CYP3A7: variants seen among roughly 807,000 people sequenced by gnomAD.
CYP3A7 encodes the protein cytochrome P450 family 3 subfamily A member 7.
CYP3A7 carries 45 observed loss-of-function variants against 55.2 expected under a neutral mutation model. The observed-to-expected ratio is 0.82, with a 90% CI of 0.64 to 1.05. The LOEUF (loss-of-function observed/expected upper bound fraction) is 1.05. Ranked by LOEUF, CYP3A7 falls within the 50% of genes least tolerant of loss-of-function variation. The pLI is 0.00. For missense variants in CYP3A7, 548 were observed against 605.3 expected, an observed-to-expected ratio of 0.91 and a Z score of 0.99; for synonymous variants, 180 against 207.4, an observed-to-expected ratio of 0.87 and a Z score of 1.13.
At chr7:99,723,376 C>G (rs151287567) in intron 2 of CYP3A7, among the ~76,000 whole-genome samples, 2 of 152,158 alleles carry the variant, frequency 1.3e-5, no homozygotes, top group Admixed American at 1.3e-4. Flanking sequence ...CACCTTGTGA[C>G]CCCCTCCTCT....
At chr7:99,723,595 G>A (rs1039098842) in intron 2 of CYP3A7, among the ~76,000 whole-genome samples, 1 of 152,120 alleles carries the variant, frequency 6.6e-6, no homozygotes, top group Non-Finnish European at 1.5e-5. Flanking sequence ...AAAGACCTGG[G>A]ACAGGGGGAC....
chr7:99,715,858 T>A lies in CYP3A7; in HGVS notation c.570A>T (p.Gly190=), dbSNP rs770581074. 1.2e-6 allele frequency: 2 copies of A among 1,613,902 alleles called. No individual in the cohort carries two copies. Among genetic ancestry groups the A allele is most frequent in the Admixed American group, 3.3e-5 (2 of 60,006 alleles). The part of the protein sequence containing the change: ...SMDVITSTSF[G]VSIDSLNNPQ... Reference sequence around the variant, plus strand: ...GATTGTTGAGAGAGTCGATGCTCACTCCAAATGATGTGCTAGTGATCACAT... The same window carrying A: ...GATTGTTGAGAGAGTCGATGCTCACACCAAATGATGTGCTAGTGATCACAT... Residue 190 remains glycine (G), a synonymous_variant, in exon 7 of 13, where the codon GGA becomes GGT. Transcript: ENST00000336374.
At chr7:99,711,637 G>T (rs762841984) in intron 9 of CYP3A7, among the ~76,000 whole-genome samples, 1 of 152,104 alleles carries the variant, frequency 6.6e-6, no homozygotes, top group Non-Finnish European at 1.5e-5. Context: ...GCATGGTGAC[G>T]CATGCCTGTA....
chr7:99,734,326 C>T (rs1272791212), intron 1 of CYP3A7, among the ~76,000 whole-genome samples: 1 of 152,196 alleles, frequency 6.6e-6, no homozygotes, highest in East Asian at 1.9e-4. Flanking sequence ...CTCTTCTCTC[C>T]ACCTGCTCTA....
intron 2 of CYP3A7, 42 bp from the exon 3 acceptor site, chr7:99,722,390 T>A: frequency 1.2e-6 from 2 of 1,607,648 alleles, no homozygotes; most frequent in Non-Finnish European, 1.7e-6. Context: ...TTATTTTAAG[T>A]GTACTTAACC....
At position 99,725,302 on chromosome 7, in the gene CYP3A7, A is replaced by C. The variant is rs538315102; in HGVS notation, c.166-2954T>G. On this transcript the variant is annotated intron_variant, in intron 2 of 12. Transcript: ENST00000336374. ...CCCAATCCTCTCCTGACATTAGAAA[A>C]AATCTCCAAAAATTGGATTCCAGGC... Among the ~76,000 whole-genome samples the C allele has an allele frequency of 7.2e-5, 11 of 152,306 alleles. No homozygotes were observed. The East Asian group carries it at 1.9e-3, about 27-fold the overall frequency.
intron 2 of CYP3A7, among the ~76,000 whole-genome samples, chr7:99,729,866 A>G (rs562823240): frequency 6.6e-6 from 1 of 152,166 alleles, no homozygotes; most frequent in African/African-American, 2.4e-5. Flanking sequence ...CCTGCACCCA[A>G]GTGATTAAAA....
rs547884923 is a variant in CYP3A7, at chr7:99,711,111, C to T, written c.866-219G>A. ...AGTTTTCCCCCAATGTCTTCAAGAA[C>T]GTAGACCATCCGCTCCTCCTCGTGC... On this transcript the variant is annotated intron_variant, in intron 9 of 12. Transcript: ENST00000336374. Among the ~76,000 whole-genome samples the T allele has an allele frequency of 1.6e-4, 25 of 152,294 alleles. No individual in the cohort carries two copies. In the South Asian group the frequency reaches 3.3e-3, roughly 20 times the overall value.
intron 2 of CYP3A7, among the ~76,000 whole-genome samples, chr7:99,722,856 T>A (rs1264261654): frequency 6.6e-6 from 1 of 152,184 alleles, no homozygotes; most frequent in Non-Finnish European, 1.5e-5. Context: ...CCTAGCAGAT[T>A]TAGATAAGTG....
chr7:99,718,211 A>G lies in CYP3A7; in HGVS notation c.319-572T>C, dbSNP rs186412949. Among the ~76,000 whole-genome samples, 8 of 152,306 alleles carry G rather than the reference A, an allele frequency of 5.3e-5. No homozygotes were observed. The East Asian group carries it at 1.5e-3, about 29-fold the overall frequency. On this transcript the variant is annotated intron_variant, in intron 4 of 12. Coordinates refer to ENST00000336374, the MANE Select transcript of CYP3A7 (RefSeq NM_000765.5). The stretch of plus-strand genomic sequence containing the variant: ...TGAGTACAGCACACCAACATGGCAC[A>G]TGCATACATATGTAACAAACCTGCA...
chr7:99,728,817 C>A (rs1287568842), intron 2 of CYP3A7, among the ~76,000 whole-genome samples: 1 of 152,246 alleles, frequency 6.6e-6, no homozygotes, highest in East Asian at 1.9e-4. Flanking sequence ...GGTATTTCAA[C>A]TTCTGTCACA....
chr7:99,709,367 T>C, intron 10 of CYP3A7, 106 bp from the exon 11 acceptor site: 8 of 1,492,676 alleles, frequency 5.4e-6, no homozygotes, highest in Non-Finnish European at 7.3e-6. Context: ...GAACAACTCA[T>C]ACTGGCAAAG....
intron 3 of CYP3A7, 97 bp downstream of exon 3, chr7:99,722,199 C>A: frequency 6.7e-7 from 1 of 1,494,974 alleles, no homozygotes; most frequent in Non-Finnish European, 9.2e-7. Flanking sequence ...GCAAGAGCTT[C>A]ATCGCAAGAG....
chr7:99,728,685 C>T (rs1289302320), intron 2 of CYP3A7, among the ~76,000 whole-genome samples: 2 of 152,134 alleles, frequency 1.3e-5, no homozygotes, highest in Admixed American at 6.6e-5. Flanking sequence ...GCAAATGGGA[C>T]TGAACAACTT....
chr7:99,706,624 A>G (rs1327598840), intron 12 of CYP3A7, among the ~76,000 whole-genome samples: 3 of 152,244 alleles, frequency 2.0e-5, no homozygotes, highest in Non-Finnish European at 4.4e-5. Context: ...AAGGTTCCAA[A>G]TCTTTCTATA....
chr7:99,732,564 G>C (rs1490284344), intron 1 of CYP3A7, among the ~76,000 whole-genome samples: 3 of 152,160 alleles, frequency 2.0e-5, no homozygotes, highest in African/African-American at 7.2e-5. Flanking sequence ...ACCCATCTTT[G>C]ATGGGCCATG....
chr7:99,715,030 C>G (rs2037499), intron 7 of CYP3A7, among the ~76,000 whole-genome samples: 115,921 of 152,130 alleles, frequency 0.76, 47,130 homozygotes, highest in Non-Finnish European at 0.91. Context: ...TAATCATGCT[C>G]TTCAAGAAAT....
In CYP3A7 at chr7:99,715,911, G is replaced by T; in HGVS notation, c.522-5C>A. 1 of 1,613,706 alleles carries T rather than the reference G, an allele frequency of 6.2e-7. No individual in the cohort carries two copies. Among genetic ancestry groups the T allele is most frequent in the South Asian group, 1.1e-5 (1 of 91,078 alleles). The stretch of plus-strand genomic sequence containing the variant: ...ATGCTGTAGGCCCCAAAGACGCTGA[G>T]TGGAGAAAGATGTGGAAAATTAAAA... On this transcript the variant is annotated splice_polypyrimidine_tract_variant and splice_region_variant and intron_variant, in intron 6 of 12. Transcript: ENST00000336374.
rs563222275 is a variant in CYP3A7, at chr7:99,734,707, C to T, written c.71+316G>A. On this transcript the variant is annotated intron_variant, in intron 1 of 12. Transcript: ENST00000336374. ...CATGATCTCAGTTCACTGCAACCTC[C>T]GCCTCCCAGGTTCAAGCAATTCTCC... Among the ~76,000 whole-genome samples the T allele has an allele frequency of 5.3e-5, 8 of 151,544 alleles. No homozygotes were observed. In the East Asian group the frequency reaches 5.8e-4, roughly 11 times the overall value.
Sources: gnomAD v4.1 joint callset for allele counts (sites outside exome capture counted in the v4.1 genomes callset) on GRCh38, gnomAD v4.1.1 for gene constraint, MANE v1.5 for transcripts, NCBI Gene and HGNC (gene_info 2026-07-23, HGNC 2026-07-21) for gene names.